The following LHFPL2 variants were observed in gnomAD, a reference collection of about 807,000 sequenced individuals.
LHFPL2 encodes the protein LHFPL tetraspan subfamily member 2 protein.
In LHFPL2, 7 loss-of-function variants were observed where a neutral mutation model predicts 17.5. The ratio of observed to expected loss-of-function variants is 0.40; its 90% CI spans 0.23 to 0.75. The LOEUF is 0.75. Ranked by LOEUF, LHFPL2 falls within the 30% of genes least tolerant of loss-of-function variation. The pLI is 0.37. For synonymous variants in LHFPL2, 134 were observed against 116.2 expected (o/e 1.15, Z -0.99); for missense variants, 241 against 294.8 (o/e 0.82, Z 1.34).
At chr5:78,595,599 A>G (rs1580843287) in intron 2 of LHFPL2, among the ~76,000 whole-genome samples, 1 of 151,928 alleles carries the variant, frequency 6.6e-6, no homozygotes, top group Admixed American at 6.6e-5. Context: ...GCAGCCTTGA[A>G]CTCCTGGGGT....
At chr5:78,536,003 G>T (rs1429660817) in intron 3 of LHFPL2, among the ~76,000 whole-genome samples, 1 of 152,210 alleles carries the variant, frequency 6.6e-6, no homozygotes, top group African/African-American at 2.4e-5. Flanking sequence ...GGACACCTGT[G>T]CAGAGGTATT....
intron 2 of LHFPL2, chr5:78,626,680 T>G (rs1281694505): frequency 1.3e-5 from 2 of 152,118 alleles, no homozygotes; most frequent in Non-Finnish European, 2.9e-5. Context: ...CAGATTTGTA[T>G]AAGCACGATA....
intron 2 of LHFPL2, among the ~76,000 whole-genome samples, chr5:78,581,651 T>C (rs925938606): frequency 6.6e-6 from 1 of 152,226 alleles, no homozygotes; most frequent in African/African-American, 2.4e-5. Flanking sequence ...CACTTGATCA[T>C]GGTGGATAAG....
intron 4 of LHFPL2, among the ~76,000 whole-genome samples, chr5:78,503,910 A>C (rs2112310648): frequency 6.6e-6 from 1 of 152,308 alleles, no homozygotes; most frequent in East Asian, 1.9e-4. Context: ...AGCAGAACTC[A>C]GCAAGTTGTA....
chr5:78,507,941 TACACAC>T (rs10562386), intron 4 of LHFPL2, among the ~76,000 whole-genome samples: 17,060 of 148,360 alleles, frequency 0.11, 1,160 homozygotes, highest in Admixed American at 0.18. Flanking sequence ...TACACATGCA[TACACAC>T]ACACACACAC....
chr5:78,529,275 G>A (rs1173782663), intron 3 of LHFPL2, among the ~76,000 whole-genome samples: 1 of 152,146 alleles, frequency 6.6e-6, no homozygotes, highest in Non-Finnish European at 1.5e-5. Context: ...AACAGAGTGA[G>A]GACCTATTTC....
intron 2 of LHFPL2, among the ~76,000 whole-genome samples, chr5:78,630,528 A>G (rs951197406): frequency 2.6e-5 from 4 of 152,080 alleles, no homozygotes; most frequent in African/African-American, 9.7e-5. Context: ...CCCCTGGGAA[A>G]CTTGAAGACC....
At chr5:78,520,193 C>T (rs1249704135) in intron 3 of LHFPL2, among the ~76,000 whole-genome samples, 1 of 152,148 alleles carries the variant, frequency 6.6e-6, no homozygotes, top group East Asian at 1.9e-4. Context: ...CCGCTTATCT[C>T]CCCAAGGCCA....
intron 4 of LHFPL2, among the ~76,000 whole-genome samples, chr5:78,499,168 T>C (rs1754696584): frequency 6.6e-6 from 1 of 152,142 alleles, no homozygotes; most frequent in African/African-American, 2.4e-5. Context: ...AAAGATGAAA[T>C]GGAGATGAAA....
At chr5:78,628,217 T>C (rs889040525) in intron 2 of LHFPL2, among the ~76,000 whole-genome samples, 1 of 152,156 alleles carries the variant, frequency 6.6e-6, no homozygotes, top group African/African-American at 2.4e-5. Context: ...GCTAATGAAA[T>C]TATCTCCTCT....
intron 3 of LHFPL2, among the ~76,000 whole-genome samples, chr5:78,557,008 T>C (rs950129332): frequency 2.0e-5 from 3 of 152,024 alleles, no homozygotes; most frequent in Non-Finnish European, 4.4e-5. Flanking sequence ...GTGCACAACA[T>C]GCAGGTTTGT....
At chr5:78,523,217 G>A (rs951603905) in intron 3 of LHFPL2, among the ~76,000 whole-genome samples, 1 of 152,088 alleles carries the variant, frequency 6.6e-6, no homozygotes, top group African/African-American at 2.4e-5. Context: ...ATAGTATGAT[G>A]AATTTCAAAC....
chr5:78,512,876 T>A (rs1275725122), intron 3 of LHFPL2, among the ~76,000 whole-genome samples: 1 of 151,120 alleles, frequency 6.6e-6, no homozygotes, highest in Admixed American at 6.6e-5. Flanking sequence ...TGCCTCAGCA[T>A]CCAGAGCAGC....
chr5:78,547,313 T>C (rs1181627134), intron 3 of LHFPL2, among the ~76,000 whole-genome samples: 1 of 152,256 alleles, frequency 6.6e-6, no homozygotes, highest in Non-Finnish European at 1.5e-5. Context: ...GGCTGTGGGC[T>C]GGGCAGACAC....
chr5:78,516,518 C>T, intron 3 of LHFPL2, among the ~76,000 whole-genome samples: 1 of 152,022 alleles, frequency 6.6e-6, no homozygotes, highest in Non-Finnish European at 1.5e-5. Context: ...ATTACCTGGC[C>T]CCAAATGTCA....
intron 2 of LHFPL2, among the ~76,000 whole-genome samples, chr5:78,586,143 C>T (rs1428896862): frequency 1.3e-5 from 2 of 152,210 alleles, no homozygotes; most frequent in Non-Finnish European, 2.9e-5. Context: ...CTTAGCAGAG[C>T]CCAGCTCCCA....
chr5:78,593,741 A>T (rs1215040064), intron 2 of LHFPL2, among the ~76,000 whole-genome samples: 18 of 152,200 alleles, frequency 1.2e-4, no homozygotes, highest in African/African-American at 4.3e-4. Flanking sequence ...TGTGTGTGGA[A>T]GAACCTGAGA....
At chr5:78,525,169 A>G (rs1293884961) in intron 3 of LHFPL2, among the ~76,000 whole-genome samples, 1 of 152,198 alleles carries the variant, frequency 6.6e-6, no homozygotes, top group East Asian at 1.9e-4. Flanking sequence ...CCAGGGGACA[A>G]TCCTGCTCCA....
At chr5:78,523,857 T>C (rs1755536218) in intron 3 of LHFPL2, among the ~76,000 whole-genome samples, 1 of 152,112 alleles carries the variant, frequency 6.6e-6, no homozygotes, top group South Asian at 2.1e-4. Flanking sequence ...TGAGGAGTCA[T>C]TACAATAAAC....
Sources: gnomAD v4.1 joint callset for allele counts (sites outside exome capture counted in the v4.1 genomes callset) on GRCh38, gnomAD v4.1.1 for gene constraint, MANE v1.5 for transcripts, NCBI Gene and HGNC (gene_info 2026-07-23, HGNC 2026-07-21) for gene names.